PSAP: variants seen among roughly 807,000 people sequenced by gnomAD.
The protein encoded by PSAP is precursor of saposins.
A neutral mutation model predicts 66.0 loss-of-function variants in PSAP; 25 were observed. The ratio of observed to expected loss-of-function variants is 0.38; its 90% CI spans 0.28 to 0.53. The LOEUF (loss-of-function observed/expected upper bound fraction) is 0.53. Among genes scored for constraint, PSAP ranks in the 20% least tolerant of loss-of-function variants. The pLI, the probability that PSAP is intolerant of heterozygous loss-of-function variation, is 0.83. For synonymous variants in PSAP, 273 were observed against 258.9 expected (o/e 1.05, Z -0.52); for missense variants, 649 against 668.8 (o/e 0.97, Z 0.33).
chr10:71,822,901 C>G (rs915774877), intron 7 of PSAP, among the ~76,000 whole-genome samples: 3 of 151,436 alleles, frequency 2.0e-5, no homozygotes, highest in African/African-American at 7.3e-5. Flanking sequence ...CCGGGGGAGT[C>G]TGAAAAGTAT....
intron 1 of PSAP, among the ~76,000 whole-genome samples, chr10:71,850,976 C>G (rs1321495970): frequency 2.0e-5 from 3 of 152,230 alleles, no homozygotes; most frequent in African/African-American, 7.2e-5. Context: ...GCCGTCCTCC[C>G]GGGGGCATTT....
rs1233120088 is a variant in PSAP, at chr10:71,817,449, A to G, written c.1567T>C (p.Trp523Arg). ...ATGGAATATTCCTCCTCCTAGTTCC[A>G]CACATGGCGTTTGCAATGCTCGACA... The part of the protein sequence containing the change: ...NAVEHCKRHV[W>R]N The change falls in exon 14 of 14, where the codon TGG (tryptophan) becomes CGG (arginine). Residue 523 changes from tryptophan to arginine, a missense_variant. Coordinates refer to ENST00000394936, the MANE Select transcript of PSAP (RefSeq NM_002778.4). The G allele has an allele frequency of 6.2e-7, 1 of 1,614,044 alleles. No individual in the cohort carries two copies. Among genetic ancestry groups the G allele is most frequent in the African/African-American group, 1.3e-5 (1 of 74,924 alleles).
intron 1 of PSAP, among the ~76,000 whole-genome samples, chr10:71,843,617 T>A (rs1842769139): frequency 6.6e-6 from 1 of 152,194 alleles, no homozygotes; most frequent in Non-Finnish European, 1.5e-5. Context: ...CATTTGCAAG[T>A]CTCATTAGAA....
In PSAP at chr10:71,817,015, A is replaced by G; in HGVS notation, c.*426T>C. ...AACTGAGAGGCCCAGGAAAGCGGGG[A>G]GGGTCCCTGATCAGGGCAGGAGGCC... On this transcript the variant is annotated 3_prime_UTR_variant, in exon 14 of 14. Transcript: ENST00000394936. 4.0e-6 allele frequency: 1 copy of G among 251,444 alleles called. No individual in the cohort carries two copies. Among genetic ancestry groups the G allele is most frequent in the Non-Finnish European group, 7.8e-6 (1 of 128,680 alleles). The allele number at this position is 251,444 out of a possible 1,614,324, so 15.6% of individuals were successfully genotyped here. A position where few individuals can be genotyped will look rare whatever the true frequency, so the allele number is the denominator to read the frequency against.
intron 6 of PSAP, 102 bp from the exon 7 acceptor site, chr10:71,825,995 C>A: frequency 1.0e-6 from 1 of 970,102 alleles, no homozygotes; most frequent in Non-Finnish European, 1.6e-6. Context: ...CAACTGGTGA[C>A]TATCAAGCAA....
chr10:71,842,227 T>C (rs989023433), intron 1 of PSAP, among the ~76,000 whole-genome samples: 25 of 152,342 alleles, frequency 1.6e-4, no homozygotes, highest in Admixed American at 1.5e-3. Context: ...TGCGGAGGCA[T>C]GTGACATGAC....
At chr10:71,820,819 C>T (rs1236969961) in intron 8 of PSAP, among the ~76,000 whole-genome samples, 1 of 152,216 alleles carries the variant, frequency 6.6e-6, no homozygotes, top group African/African-American at 2.4e-5. Flanking sequence ...TCTTCTGGAA[C>T]CCACCTTTAA....
chr10:71,833,401 T>G (rs567886182), intron 2 of PSAP, among the ~76,000 whole-genome samples: 1 of 152,246 alleles, frequency 6.6e-6, no homozygotes, highest in South Asian at 2.1e-4. Flanking sequence ...GAGGCTGCAG[T>G]GAGCCATGAT....
At chr10:71,834,867 C>CT (rs1272233556) in intron 1 of PSAP, among the ~76,000 whole-genome samples, 1 of 152,142 alleles carries the variant, frequency 6.6e-6, no homozygotes, top group African/African-American at 2.4e-5. Flanking sequence ...GGAGAAAAGA[C>CT]TAACAAATTC....
chr10:71,838,384 C>T (rs1466793470), intron 1 of PSAP, among the ~76,000 whole-genome samples: 1 of 152,136 alleles, frequency 6.6e-6, no homozygotes, highest in Non-Finnish European at 1.5e-5. Flanking sequence ...CCAGAGAGTC[C>T]CCTGGAGGAC....
chr10:71,835,703 A>C (rs972532970), intron 1 of PSAP, among the ~76,000 whole-genome samples: 31 of 152,104 alleles, frequency 2.0e-4, no homozygotes, highest in Non-Finnish European at 2.2e-4. Context: ...CTAGGAAACA[A>C]GAGATTACAT....
At chr10:71,826,826 G>C (rs1164559715) in intron 6 of PSAP, among the ~76,000 whole-genome samples, 1 of 152,086 alleles carries the variant, frequency 6.6e-6, no homozygotes, top group Non-Finnish European at 1.5e-5. Flanking sequence ...AAAGGACAGA[G>C]TAATTACAAC....
At chr10:71,818,982 C>A in intron 12 of PSAP, 49 bp downstream of exon 12, 1 of 1,542,768 alleles carries the variant, frequency 6.5e-7, no homozygotes, top group Non-Finnish European at 9.0e-7. Context: ...CTCTGCAGCC[C>A]CCCAGGTTAC....
rs1842310521 is a variant in PSAP at position 71,822,001 on chromosome 10, T to C, written c.784A>G (p.Lys262Glu). 2.5e-6 allele frequency: 4 copies of C among 1,614,028 alleles called. No homozygotes were observed. ...AACCCAACCAGCGCACAGATCTCCTTGGGTTGCTGAAGAGAGCACAGAACA... is the reference window on the plus strand; with the variant it reads ...AACCCAACCAGCGCACAGATCTCCTCGGGTTGCTGAAGAGAGCACAGAACA... ...AIQMMMHMQPKEICALVGFCD... is the reference protein window; with the variant it reads ...AIQMMMHMQPEEICALVGFCD... Residue 262 changes from lysine (K) to glutamate (E), a missense_variant, in exon 8 of 14, where the codon AAG (lysine) becomes GAG (glutamate). By Grantham distance (56) the Lys-to-Glu change is moderately conservative (BLOSUM62 1). Coordinates refer to ENST00000394936, the MANE Select transcript of PSAP (RefSeq NM_002778.4).
chr10:71,835,339 T>C (rs1039575502), intron 1 of PSAP, among the ~76,000 whole-genome samples: 1 of 152,202 alleles, frequency 6.6e-6, no homozygotes, highest in Non-Finnish European at 1.5e-5. Context: ...TCTCAGCACT[T>C]TGAGAGGCCG....
At chr10:71,836,372 A>C (rs945542712) in intron 1 of PSAP, among the ~76,000 whole-genome samples, 2 of 152,094 alleles carry the variant, frequency 1.3e-5, no homozygotes, top group African/African-American at 4.8e-5. Flanking sequence ...GGGGAGGCAG[A>C]ATTGAGTCAT....
rs780261423 is a variant in PSAP at position 71,834,359 on chromosome 10, C to A, written c.174+13G>T. ...GAGTGCTGCGGCTGGGACTGGAGGG[C>A]AGCGGCACTCACCACTGTTGGCTTG... On this transcript the variant is annotated intron_variant, in intron 2 of 13. Transcript: ENST00000394936. The A allele has an allele frequency of 3.7e-6, 6 of 1,613,132 alleles. No homozygotes were observed. Among genetic ancestry groups the A allele is most frequent in the Admixed American group, 3.3e-5 (2 of 60,024 alleles).
chr10:71,849,607 AAAACAAAC>A (rs571514122), intron 1 of PSAP, among the ~76,000 whole-genome samples: 2 of 152,014 alleles, frequency 1.3e-5, no homozygotes, highest in Admixed American at 1.3e-4. Context: ...TCCGTCTCAA[AAAACAAAC>A]AAACAAACAA....
At chr10:71,848,647 G>A (rs997788135) in intron 1 of PSAP, among the ~76,000 whole-genome samples, 1 of 152,188 alleles carries the variant, frequency 6.6e-6, no homozygotes, top group African/African-American at 2.4e-5. Flanking sequence ...ATTCAGGGTG[G>A]CATTCTGTAC....
Sources: allele counts gnomAD v4.1 joint callset (sites outside exome capture counted in the v4.1 genomes callset), GRCh38; gene constraint gnomAD v4.1.1; transcripts MANE v1.5; gene names NCBI Gene and HGNC (gene_info 2026-07-23, HGNC 2026-07-21).